GABBR2: variants seen among roughly 807,000 people sequenced by gnomAD.
The protein encoded by GABBR2 is gamma-aminobutyric acid type B receptor subunit 2, also known as G-protein coupled receptor 51.
Under a neutral mutation model 105.6 loss-of-function variants are expected in GABBR2, and 23 were observed. That is an observed-to-expected ratio of 0.22 (90% CI 0.16 to 0.31). GABBR2 has a LOEUF of 0.31. Ranked by LOEUF, GABBR2 falls within the 10% of genes least tolerant of loss-of-function variation. The pLI, the probability that GABBR2 is intolerant of heterozygous loss-of-function variation, is 1.00. For missense variants in GABBR2, 734 were observed against 1,245.5 expected, an observed-to-expected ratio of 0.59 and a Z score of 6.18; for synonymous variants, 478 against 499.7, an observed-to-expected ratio of 0.96 and a Z score of 0.58.
intron 1 of GABBR2, 50 bp downstream of exon 1, chr9:98,708,367 C>T: frequency 7.6e-7 from 1 of 1,310,400 alleles, no homozygotes; most frequent in Non-Finnish European, 9.8e-7. Context: ...CCAAACCACC[C>T]ACCCCAATGC....
At chr9:98,523,060 A>G (rs1827895951) in intron 3 of GABBR2, among the ~76,000 whole-genome samples, 1 of 152,220 alleles carries the variant, frequency 6.6e-6, no homozygotes, top group Non-Finnish European at 1.5e-5. Flanking sequence ...TATTATAATG[A>G]GGATGAGATA....
At chr9:98,392,360 C>T (rs967722299) in intron 9 of GABBR2, among the ~76,000 whole-genome samples, 24 of 152,210 alleles carry the variant, frequency 1.6e-4, no homozygotes, top group African/African-American at 5.8e-4. Flanking sequence ...CCCTGATCTC[C>T]CCAGTCCGAT....
chr9:98,400,386 T>C (rs1199170764), intron 8 of GABBR2, among the ~76,000 whole-genome samples: 1 of 152,062 alleles, frequency 6.6e-6, no homozygotes, highest in Admixed American at 6.5e-5. Flanking sequence ...AAATCCCAAA[T>C]GTGGGTGGTA....
At position 98,599,609 on chromosome 9, in the gene GABBR2, C is replaced by T. The variant is rs139883770; in HGVS notation, c.322-21537G>A. On this transcript the variant is annotated intron_variant, in intron 1 of 18. Coordinates refer to ENST00000259455, the MANE Select transcript of GABBR2 (RefSeq NM_005458.8). Reference sequence around the variant, plus strand: ...CAATCCCAGGCTGAGGGGGCCACCTCTGTCCTACGGAGCATGTGGCCCCAG... The same window carrying T: ...CAATCCCAGGCTGAGGGGGCCACCTTTGTCCTACGGAGCATGTGGCCCCAG... 2.0e-3 allele frequency among the ~76,000 whole-genome samples: 312 copies of T among 152,390 alleles called. 1 individual carries two copies. Among genetic ancestry groups the T allele is most frequent in the South Asian group, 3.7e-3 (18 of 4,828 alleles).
At chr9:98,704,423 T>C (rs1381413725) in intron 1 of GABBR2, among the ~76,000 whole-genome samples, 1 of 152,058 alleles carries the variant, frequency 6.6e-6, no homozygotes, top group Non-Finnish European at 1.5e-5. Flanking sequence ...TAGTAACACA[T>C]GAGAAAACAT....
intron 7 of GABBR2, among the ~76,000 whole-genome samples, chr9:98,428,984 A>G (rs184671391): frequency 2.6e-4 from 40 of 152,290 alleles, no homozygotes; most frequent in African/African-American, 9.6e-4. Flanking sequence ...GTGATCCTTG[A>G]GGCAGCTTTC....
At chr9:98,376,542 C>T (rs528429579) in intron 11 of GABBR2, among the ~76,000 whole-genome samples, 24 of 152,114 alleles carry the variant, frequency 1.6e-4, no homozygotes, top group Admixed American at 3.3e-4. Flanking sequence ...ACTCCCAGAG[C>T]GCCCCAAAGC....
In GABBR2 at chr9:98,484,902, C is replaced by A. The variant is rs2131649366; in HGVS notation, c.733-3905G>T. ...AGAAGAAATTTGGGAATAGCAGTAG[C>A]CCCTGCTTTCAGACAAGCCCCCTGC... On this transcript the variant is annotated intron_variant, in intron 4 of 18. Transcript: ENST00000259455. 2.0e-5 allele frequency among the ~76,000 whole-genome samples: 3 copies of A among 152,338 alleles called. No homozygotes were observed. The South Asian group carries it at 6.2e-4, about 32-fold the overall frequency.
intron 17 of GABBR2, among the ~76,000 whole-genome samples, chr9:98,295,767 G>A (rs766838229): frequency 6.6e-6 from 1 of 152,106 alleles, no homozygotes; most frequent in Non-Finnish European, 1.5e-5. Context: ...CTCGTGATCC[G>A]CCCACTTTGG....
At chr9:98,690,066 C>T (rs913402251) in intron 1 of GABBR2, among the ~76,000 whole-genome samples, 3 of 152,236 alleles carry the variant, frequency 2.0e-5, no homozygotes, top group African/African-American at 7.2e-5. Flanking sequence ...TCTTCTGCAG[C>T]TTCCATGATT....
At chr9:98,458,640 G>A (rs1826367683) in intron 6 of GABBR2, among the ~76,000 whole-genome samples, 1 of 152,206 alleles carries the variant, frequency 6.6e-6, no homozygotes, top group South Asian at 2.1e-4. Context: ...AGGAGGCAGA[G>A]GTTGCAGTGA....
At chr9:98,621,076 G>A (rs1055060236) in intron 1 of GABBR2, among the ~76,000 whole-genome samples, 4 of 152,164 alleles carry the variant, frequency 2.6e-5, no homozygotes, top group South Asian at 2.1e-4. Flanking sequence ...TCTTATCTGC[G>A]CAGCAATTAC....
intron 1 of GABBR2, among the ~76,000 whole-genome samples, chr9:98,634,191 G>A (rs768923256): frequency 3.3e-5 from 5 of 152,282 alleles, no homozygotes; most frequent in South Asian, 2.1e-4. Flanking sequence ...CTCCCCACCC[G>A]ACTTTGGGCC....
At chr9:98,577,230 C>CGAATGGATGGGTGAACAGATGG (rs1554718819) in intron 2 of GABBR2, among the ~76,000 whole-genome samples, 1 of 2,246 alleles carries the variant, frequency 4.5e-4, no homozygotes, top group Non-Finnish European at 1.0e-3. Context: ...ATGGATGGAG[C>CGAATGGATGGGTGAACAGATGG]AAAAAAGTAA....
chr9:98,325,961 C>G (rs1052568731), intron 13 of GABBR2, among the ~76,000 whole-genome samples: 1 of 152,180 alleles, frequency 6.6e-6, no homozygotes, highest in African/African-American at 2.4e-5. Context: ...CCTCTGCTGC[C>G]CAGGAGAAAT....
intron 9 of GABBR2, among the ~76,000 whole-genome samples, chr9:98,393,371 A>ATCCATCCATCCATCCATCCATCCACC (rs1832229416): frequency 1.1e-5 from 1 of 94,118 alleles, no homozygotes; most frequent in Admixed American, 9.3e-5. Context: ...ATCCATCCAC[A>ATCCATCCATCCATCCATCCATCCACC]CACCCACTCA....
chr9:98,450,907 ATC>A (rs1826218471), intron 7 of GABBR2, among the ~76,000 whole-genome samples: 1 of 152,192 alleles, frequency 6.6e-6, no homozygotes, highest in African/African-American at 2.4e-5. Context: ...TCCAACTAAG[ATC>A]TATCAGGCAC....
At chr9:98,429,133 T>TGC (rs1355006695) in intron 7 of GABBR2, among the ~76,000 whole-genome samples, 1 of 150,408 alleles carries the variant, frequency 6.6e-6, no homozygotes, top group Non-Finnish European at 1.5e-5. Flanking sequence ...TGTGTGTGTG[T>TGC]GTGTGTGTGT....
At chr9:98,398,228 C>T (rs1832328543) in intron 8 of GABBR2, among the ~76,000 whole-genome samples, 1 of 152,142 alleles carries the variant, frequency 6.6e-6, no homozygotes, top group Admixed American at 6.5e-5. Context: ...AAAACACGCA[C>T]ACTGAGACAC....
Sources: gnomAD v4.1 joint callset for allele counts (sites outside exome capture counted in the v4.1 genomes callset) on GRCh38, gnomAD v4.1.1 for gene constraint, MANE v1.5 for transcripts, NCBI Gene and HGNC (gene_info 2026-07-23, HGNC 2026-07-21) for gene names.